CYP39A1: variants seen among roughly 807,000 people sequenced by gnomAD.
CYP39A1 encodes the protein 24-hydroxycholesterol 7-alpha-hydroxylase.
CYP39A1 carries 49 observed loss-of-function variants against 58.1 expected under a neutral mutation model. The ratio of observed to expected loss-of-function variants is 0.84; its 90% CI spans 0.67 to 1.07. CYP39A1 has a LOEUF of 1.07. Among genes scored for constraint, CYP39A1 ranks in the 50% least tolerant of loss-of-function variants. The pLI is 0.00. For missense variants in CYP39A1, 531 were observed against 539.4 expected (o/e 0.98, Z 0.16); for synonymous variants, 209 against 187.6 (o/e 1.11, Z -0.93).
intron 10 of CYP39A1, among the ~76,000 whole-genome samples, chr6:46,572,805 T>C (rs1746089858): frequency 6.6e-6 from 1 of 152,104 alleles, no homozygotes; most frequent in Non-Finnish European, 1.5e-5. Flanking sequence ...ATACATTGGT[T>C]TCATTATTAG....
intron 3 of CYP39A1, among the ~76,000 whole-genome samples, chr6:46,638,938 C>T (rs895232897): frequency 6.6e-6 from 1 of 152,216 alleles, no homozygotes; most frequent in Non-Finnish European, 1.5e-5. Context: ...ACTCCGTCTG[C>T]TGCTCTTCCC....
Position 46,642,226 on chromosome 6 carries a change from C to T in CYP39A1, c.250G>A (p.Val84Met), listed in dbSNP as rs1776383837. The T allele has an allele frequency of 1.2e-6, 2 of 1,612,750 alleles. No homozygotes were observed. The highest frequency in any genetic ancestry group is 1.1e-5 in the South Asian group (1 of 91,030). The change falls in exon 2 of 12, where the codon GTG becomes ATG. Residue 84 changes from valine to methionine, a missense_variant. By Grantham distance (21) the Val-to-Met change is conservative. Transcript: ENST00000275016. ...TCTACTTTTTTGGATTTTAGAAACA[C>T]ATTAATTCCTTCTTCTTCAGTAACA... is the stretch of plus-strand genomic sequence containing the variant. Reference protein sequence around the residue: ...TFVTEEEGINVFLKSKKVDFE... With the variant: ...TFVTEEEGINMFLKSKKVDFE...
chr6:46,564,108 T>TTATTTTATTC (rs1161144493), intron 10 of CYP39A1, among the ~76,000 whole-genome samples: 3 of 138,394 alleles, frequency 2.2e-5, no homozygotes, highest in African/African-American at 6.6e-5. Context: ...TGTATTTTTT[T>TTATTTTATTC]TATTTTATTC....
intron 7 of CYP39A1, among the ~76,000 whole-genome samples, chr6:46,610,748 A>G (rs928027346): frequency 1.1e-4 from 17 of 152,210 alleles, no homozygotes; most frequent in African/African-American, 4.1e-4. Context: ...CATTATATGT[A>G]CAGTAATCTG....
intron 7 of CYP39A1, among the ~76,000 whole-genome samples, chr6:46,614,796 G>A (rs182352768): frequency 2.0e-5 from 3 of 152,058 alleles, no homozygotes; most frequent in African/African-American, 7.2e-5. Context: ...CTTTTAAGAG[G>A]GCTGGACAAC....
intron 10 of CYP39A1, among the ~76,000 whole-genome samples, chr6:46,576,675 C>T (rs768702553): frequency 3.3e-5 from 5 of 152,148 alleles, no homozygotes; most frequent in Admixed American, 6.5e-5. Context: ...ATGAGAAATT[C>T]GCCACAGGAA....
At chr6:46,625,567 AT>A in intron 6 of CYP39A1, 59 bp from the exon 7 acceptor site, 1 of 1,269,310 alleles carries the variant, frequency 7.9e-7, no homozygotes, top group Non-Finnish European at 1.1e-6. Flanking sequence ...ACAAAAGCAT[AT>A]TTAGTATTAG....
intron 3 of CYP39A1, among the ~76,000 whole-genome samples, chr6:46,638,510 TAAAG>T (rs1000879552): frequency 6.6e-6 from 1 of 152,070 alleles, no homozygotes; most frequent in Non-Finnish European, 1.5e-5. Flanking sequence ...ATACTTAAGA[TAAAG>T]AATATAAAAT....
chr6:46,564,220 C>T (rs1771157010), intron 10 of CYP39A1, among the ~76,000 whole-genome samples: 1 of 148,638 alleles, frequency 6.7e-6, no homozygotes, highest in African/African-American at 2.5e-5. Flanking sequence ...AAGACAGAGT[C>T]TCCCTCTGTT....
Position 46,596,001 on chromosome 6 carries a change from G to A in CYP39A1, c.1051C>T (p.Pro351Ser), listed in dbSNP as rs1417910916. Residue 351 changes from proline (P) to serine (S), a missense_variant, in exon 8 of 12, where the codon CCT becomes TCT. Pro to Ser is a moderately conservative substitution (Grantham distance 74). Transcript: ENST00000275016. ...PGVITRKVVK[P>S]VEILNYIIPS... ...CCAAAGCTTACCAAAATTTCCACAG[G>A]CTTCACCACTTTTCTAGTAATGACA... The A allele has an allele frequency of 6.2e-7, 1 of 1,608,394 alleles. No individual in the cohort carries two copies. The highest frequency in any genetic ancestry group is 1.3e-5 in the African/African-American group (1 of 74,472).
intron 7 of CYP39A1, among the ~76,000 whole-genome samples, chr6:46,615,720 A>C (rs1257898307): frequency 6.6e-6 from 1 of 150,810 alleles, no homozygotes; most frequent in Non-Finnish European, 1.5e-5. Context: ...ATGTGCTCAC[A>C]TTCTCCTCTG....
chr6:46,584,500 A>G (rs553660700), intron 10 of CYP39A1, among the ~76,000 whole-genome samples: 18 of 152,210 alleles, frequency 1.2e-4, no homozygotes, highest in South Asian at 6.2e-4. Context: ...GGTAGATTCT[A>G]CCACTCCCTG....
At chr6:46,650,924 C>T (rs1378236468) in intron 1 of CYP39A1, among the ~76,000 whole-genome samples, 1 of 152,050 alleles carries the variant, frequency 6.6e-6, no homozygotes. Flanking sequence ...AGATCATATG[C>T]ATAAGGAAGG....
At chr6:46,584,043 T>C (rs577230219) in intron 10 of CYP39A1, among the ~76,000 whole-genome samples, 2 of 152,256 alleles carry the variant, frequency 1.3e-5, no homozygotes, top group South Asian at 4.1e-4. Flanking sequence ...TAAGGATTTG[T>C]GGGATTAAAT....
At chr6:46,601,058 T>C (rs547257791) in intron 7 of CYP39A1, among the ~76,000 whole-genome samples, 5 of 152,314 alleles carry the variant, frequency 3.3e-5, no homozygotes, top group Non-Finnish European at 7.4e-5. Context: ...AATTAAGTTC[T>C]AGGACACCCA....
chr6:46,605,226 G>A (rs1441447135), intron 7 of CYP39A1, among the ~76,000 whole-genome samples: 1 of 152,118 alleles, frequency 6.6e-6, no homozygotes, highest in African/African-American at 2.4e-5. Flanking sequence ...TAGAACCCCT[G>A]AATGTCCATG....
At chr6:46,615,221 T>C (rs1189617260) in intron 7 of CYP39A1, among the ~76,000 whole-genome samples, 2 of 149,138 alleles carry the variant, frequency 1.3e-5, no homozygotes, top group Non-Finnish European at 2.9e-5. Flanking sequence ...GTAAATAATA[T>C]ATATGAGTAT....
In CYP39A1 at chr6:46,637,722, T is replaced by C. The variant is rs1776074963; in HGVS notation, c.638+107A>G. ...CAAACAGGTCATAAGAAACGGCTTC[T>C]CTCCCACTTAAACTGCTGTTACATC... On this transcript the variant is annotated intron_variant, in intron 4 of 11. Coordinates refer to ENST00000275016, the MANE Select transcript of CYP39A1 (RefSeq NM_016593.5). 6 of 1,203,466 alleles carry C rather than the reference T, an allele frequency of 5.0e-6. No individual in the cohort carries two copies. In the African/African-American group the frequency reaches 9.4e-5, roughly 19 times the overall value. The allele number at this position is 1,203,466 out of a possible 1,614,324, so 74.5% of individuals were successfully genotyped here.
At chr6:46,615,638 A>G (rs1774487557) in intron 7 of CYP39A1, among the ~76,000 whole-genome samples, 1 of 152,146 alleles carries the variant, frequency 6.6e-6, no homozygotes, top group South Asian at 2.1e-4. Context: ...TTTGCTTTGA[A>G]TAATGTGACA....
Sources: allele counts gnomAD v4.1 joint callset (sites outside exome capture counted in the v4.1 genomes callset), GRCh38; gene constraint gnomAD v4.1.1; transcripts MANE v1.5; gene names NCBI Gene and HGNC (gene_info 2026-07-23, HGNC 2026-07-21).